The following MCHR2 variants were observed in gnomAD, a reference collection of about 807,000 sequenced individuals.
MCHR2 encodes the protein melanin concentrating hormone receptor 2.
MCHR2 carries 15 observed loss-of-function variants against 24.8 expected under a neutral mutation model. That is an observed-to-expected ratio of 0.60 (90% CI 0.40 to 0.93). The LOEUF is 0.93. MCHR2 is among the 40% of genes least tolerant of loss of function. The probability of loss-of-function intolerance (pLI) is 0.00; values close to 1 mark genes in which losing one functional copy is unlikely to be tolerated. For missense variants in MCHR2, 386 were observed against 408.7 expected, an observed-to-expected ratio of 0.94 and a Z score of 0.48; for synonymous variants, 151 against 147.6, an observed-to-expected ratio of 1.02 and a Z score of -0.17.
rs931902460 is a variant in MCHR2 at position 99,920,462 on chromosome 6, T to G, written c.*478A>C. On this transcript the variant is annotated 3_prime_UTR_variant, in exon 6 of 6. Transcript: ENST00000281806. ...ATTCTAAAAGGTGGGGCTTAGTTGT[T>G]GAGGGTATTAGTATTGGACCATATA... 6.4e-6 allele frequency: 1 copy of G among 155,914 alleles called. No individual in the cohort carries two copies. Among genetic ancestry groups the G allele is most frequent in the African/African-American group, 2.4e-5 (1 of 41,494 alleles). 9.7% of individuals were successfully genotyped at this position (155,914 alleles called of 1,614,324 possible).
intron 1 of MCHR2, among the ~76,000 whole-genome samples, chr6:99,981,501 T>C (rs1775668878): frequency 6.6e-6 from 1 of 152,176 alleles, no homozygotes; most frequent in Admixed American, 6.5e-5. Flanking sequence ...AACATGGAGA[T>C]GTTGGGACTG....
chr6:99,989,107 A>G (rs1004357657), intron 1 of MCHR2, among the ~76,000 whole-genome samples: 1 of 152,348 alleles, frequency 6.6e-6, no homozygotes, highest in Admixed American at 6.5e-5. Flanking sequence ...TGGCTGAAAG[A>G]GGGTCTAAGA....
intron 4 of MCHR2, among the ~76,000 whole-genome samples, chr6:99,938,956 C>A (rs1193976984): frequency 6.6e-6 from 1 of 151,888 alleles, no homozygotes; most frequent in Non-Finnish European, 1.5e-5. Flanking sequence ...TCTTTGTCTT[C>A]TTTTACAGTC....
chr6:99,942,866 T>A (rs915685221), intron 4 of MCHR2, 83 bp downstream of exon 4: 6 of 1,183,558 alleles, frequency 5.1e-6, no homozygotes, highest in Middle Eastern at 2.0e-4. Flanking sequence ...GGATACTCTT[T>A]GAGGCTGCTC....
At chr6:99,933,970 T>C (rs888921196) in intron 5 of MCHR2, among the ~76,000 whole-genome samples, 8 of 151,962 alleles carry the variant, frequency 5.3e-5, no homozygotes, top group African/African-American at 1.9e-4. Context: ...ATAAAACCCT[T>C]CCTTTAAAAT....
At position 99,943,155 on chromosome 6, in the gene MCHR2, G is replaced by T; in HGVS notation, c.393-12C>A. On this transcript the variant is annotated splice_polypyrimidine_tract_variant and intron_variant, in intron 3 of 5. Transcript: ENST00000281806. Reference sequence around the variant, plus strand: ...CGAGGGCAAAGTACCTGCAAAGGCAGTCAGGAAGAGTTTTGGAACAATCAA... The same window carrying T: ...CGAGGGCAAAGTACCTGCAAAGGCATTCAGGAAGAGTTTTGGAACAATCAA... 1 of 1,598,556 alleles carries T rather than the reference G, an allele frequency of 6.3e-7. No homozygotes were observed. The highest frequency in any genetic ancestry group is 8.5e-7 in the Non-Finnish European group (1 of 1,170,846).
chr6:99,972,050 T>C (rs1267653513), intron 1 of MCHR2, among the ~76,000 whole-genome samples: 1 of 152,236 alleles, frequency 6.6e-6, no homozygotes, highest in African/African-American at 2.4e-5. Flanking sequence ...TGCCAGGCTT[T>C]GGTATCAGGA....
chr6:99,974,268 CT>C (rs201847041), intron 1 of MCHR2, among the ~76,000 whole-genome samples: 42,029 of 151,944 alleles, frequency 0.28, 6,888 homozygotes, highest in East Asian at 0.75. Flanking sequence ...TCTTTTTATT[CT>C]TTTTTCTCCA....
chr6:99,939,508 C>T (rs918203412), intron 4 of MCHR2, among the ~76,000 whole-genome samples: 3 of 152,094 alleles, frequency 2.0e-5, no homozygotes, highest in Non-Finnish European at 2.9e-5. Flanking sequence ...TCTCAGTTTA[C>T]GTATTTCCAT....
At chr6:99,976,578 G>C (rs556655173) in intron 1 of MCHR2, among the ~76,000 whole-genome samples, 13 of 152,294 alleles carry the variant, frequency 8.5e-5, no homozygotes, top group African/African-American at 3.1e-4. Flanking sequence ...GCTACTCCAG[G>C]TGTGGCTGCT....
intron 1 of MCHR2, among the ~76,000 whole-genome samples, chr6:99,962,886 C>T (rs1775221756): frequency 6.6e-6 from 1 of 151,948 alleles, no homozygotes. Context: ...ACTCCTATAA[C>T]TTAATATTGA....
At chr6:99,960,964 G>T (rs1382022489) in intron 1 of MCHR2, among the ~76,000 whole-genome samples, 3 of 152,084 alleles carry the variant, frequency 2.0e-5, no homozygotes, top group African/African-American at 7.2e-5. Context: ...GGCAACAAAA[G>T]CCAAGATTGA....
chr6:99,935,546 G>T (rs1017337216), intron 4 of MCHR2, among the ~76,000 whole-genome samples: 1 of 151,768 alleles, frequency 6.6e-6, no homozygotes, highest in Non-Finnish European at 1.5e-5. Context: ...GGATTTTGTT[G>T]TTTTTTATGG....
chr6:99,956,699 G>C (rs566968242), intron 1 of MCHR2, among the ~76,000 whole-genome samples: 25 of 152,094 alleles, frequency 1.6e-4, no homozygotes, highest in Non-Finnish European at 2.6e-4. Flanking sequence ...GCAAATTAGA[G>C]TTGTGGGAAG....
chr6:99,958,332 T>C (rs183961299), intron 1 of MCHR2, among the ~76,000 whole-genome samples: 26 of 152,162 alleles, frequency 1.7e-4, no homozygotes, highest in Middle Eastern at 3.4e-3. Context: ...CATACACATA[T>C]ACATGAATTC....
In MCHR2 at chr6:99,947,510, A is replaced by G. The variant is rs963251539; in HGVS notation, c.392+252T>C. Among the ~76,000 whole-genome samples the G allele has an allele frequency of 2.0e-5, 3 of 151,948 alleles. No individual in the cohort carries two copies. The South Asian group carries it at 6.2e-4, about 31-fold the overall frequency. On this transcript the variant is annotated intron_variant, in intron 3 of 5. Coordinates refer to ENST00000281806, the MANE Select transcript of MCHR2 (RefSeq NM_001040179.2). ...TGGTTTTGTGATTTTTTTTTCTTGC[A>G]CTGAATTGCAAATAAAACTGAGTCA...
At chr6:99,942,900 T>C (rs1329555271) in intron 4 of MCHR2, 49 bp downstream of exon 4, 2 of 1,499,830 alleles carry the variant, frequency 1.3e-6, no homozygotes, top group Middle Eastern at 1.8e-4. Context: ...GAGAATGAAG[T>C]TCTTCACAAC....
chr6:99,970,380 A>G (rs1775383068), intron 1 of MCHR2, among the ~76,000 whole-genome samples: 1 of 152,022 alleles, frequency 6.6e-6, no homozygotes, highest in African/African-American at 2.4e-5. Context: ...GTCTGTTCAT[A>G]TCCTTTGCCC....
At chr6:99,990,215 G>T (rs1775845392) in intron 1 of MCHR2, among the ~76,000 whole-genome samples, 1 of 152,158 alleles carries the variant, frequency 6.6e-6, no homozygotes, top group Non-Finnish European at 1.5e-5. Flanking sequence ...CATTAAAATT[G>T]GAGTAATGAG....
Sources: allele counts gnomAD v4.1 joint callset (sites outside exome capture counted in the v4.1 genomes callset), GRCh38; gene constraint gnomAD v4.1.1; transcripts MANE v1.5; gene names NCBI Gene and HGNC (gene_info 2026-07-23, HGNC 2026-07-21).